Variants in RBM48 observed in about 807,000 individuals in gnomAD.
The protein encoded by RBM48 is RNA-binding protein 48.
In RBM48, 32 loss-of-function variants were observed where a neutral mutation model predicts 34.8. That is an observed-to-expected ratio of 0.92 (90% CI 0.69 to 1.23). The LOEUF (loss-of-function observed/expected upper bound fraction) is 1.23. Ranked by LOEUF, RBM48 falls within the 50% of genes most tolerant of loss-of-function variation. The pLI, the probability that RBM48 is intolerant of heterozygous loss-of-function variation, is 0.00. For synonymous variants in RBM48, 151 were observed against 156.2 expected (o/e 0.97, Z 0.25); for missense variants, 441 against 447.2 (o/e 0.99, Z 0.12).
rs770455134 is a variant in RBM48, at chr7:92,528,825, C to G, written c.12C>G (p.Ser4Arg). MAS[S>R]GGELGSLFDH... ...TCAAAGTAGGCAAGATGGCGTCGAG[C>G]GGCGGGGAGCTAGGGAGTTTATTTG... Residue 4 changes from serine to arginine, a missense_variant, in exon 1 of 5, where the codon AGC (serine) becomes AGG (arginine). Transcript: ENST00000265732. The G allele has an allele frequency of 6.2e-7, 1 of 1,613,816 alleles. No individual in the cohort carries two copies. Among genetic ancestry groups the G allele is most frequent in the African/African-American group, 1.3e-5 (1 of 75,038 alleles).
At chr7:92,529,161 G>A (rs41278797) in intron 1 of RBM48, 8,116 of 589,928 alleles carry the variant, frequency 0.014, 70 homozygotes, top group Middle Eastern at 0.025. Flanking sequence ...GATCTTCTGT[G>A]TTTACAGTAC....
chr7:92,536,981 A>AT lies in RBM48; in HGVS notation c.*47dup, dbSNP rs1793732396. ...GTATTTTCTAAAAAGAACATTTATTATTTATTTTTAGCCTGTCATTTTAAT... is the reference window on the plus strand; with the variant it reads ...GTATTTTCTAAAAAGAACATTTATTATTTTATTTTTAGCCTGTCATTTTAAT... On this transcript the variant is annotated 3_prime_UTR_variant, in exon 5 of 5. Transcript: ENST00000265732. 7.3e-7 allele frequency: 1 copy of AT among 1,361,572 alleles called. No homozygotes were observed. Among genetic ancestry groups the AT allele is most frequent in the Admixed American group, 2.5e-5 (1 of 40,000 alleles). 84.3% of individuals were successfully genotyped at this position (1,361,572 alleles called of 1,614,324 possible).
rs771064553 is a variant in RBM48 at position 92,536,836 on chromosome 7, T to A, written c.1018-15T>A. 32 of 1,569,738 alleles carry A rather than the reference T, an allele frequency of 2.0e-5. No homozygotes were observed. The highest frequency in any genetic ancestry group is 2.8e-5 in the African/African-American group (2 of 71,980). On this transcript the variant is annotated splice_polypyrimidine_tract_variant and intron_variant, in intron 4 of 4. Transcript: ENST00000265732. ...AGAAACTAAGTTTTAATGGTTCTTT[T>A]TTTTTTTTAATTAGGTAATTTCATC...
intron 2 of RBM48, among the ~76,000 whole-genome samples, chr7:92,531,440 G>T (rs1793574017): frequency 6.6e-6 from 1 of 152,100 alleles, no homozygotes; most frequent in African/African-American, 2.4e-5. Context: ...TCACTAATCT[G>T]CTCTGAGACC....
intron 4 of RBM48, chr7:92,535,885 A>G (rs1393935325): frequency 1.1e-6 from 1 of 907,976 alleles, no homozygotes; most frequent in Admixed American, 6.2e-5. Context: ...CAATAACTTC[A>G]GCACTTTGGG....
Position 92,534,527 on chromosome 7 carries a change from A to G in RBM48, c.574A>G (p.Asn192Asp). 2 of 1,614,108 alleles carry G rather than the reference A, an allele frequency of 1.2e-6. No individual in the cohort carries two copies. The highest frequency in any genetic ancestry group is 1.7e-6 in the Non-Finnish European group (2 of 1,180,020). ...AALNTSAGNS[N>D]PYLPYSCELP... ...TTTGAACACTTCTGCAGGGAACTCAAATCCTTATCTTCCGTATTCCTGTGA... is the reference window on the plus strand; with the variant it reads ...TTTGAACACTTCTGCAGGGAACTCAGATCCTTATCTTCCGTATTCCTGTGA... Residue 192 changes from asparagine to aspartate, a missense_variant, in exon 4 of 5, where the codon AAT becomes GAT. Coordinates refer to ENST00000265732, the MANE Select transcript of RBM48 (RefSeq NM_032120.4).
rs1793669212 is a variant in RBM48, at chr7:92,534,838, A to G, written c.885A>G (p.Gly295=). 6.2e-7 allele frequency: 1 copy of G among 1,614,216 alleles called. No individual in the cohort carries two copies. ...KRRREDDRKL[G]TFLQTNPTGN... Reference sequence around the variant, plus strand: ...GAAGAGAAGATGATCGTAAACTTGGAACTTTTCTTCAAACAAACCCAACTG... The same window carrying G: ...GAAGAGAAGATGATCGTAAACTTGGGACTTTTCTTCAAACAAACCCAACTG... Residue 295 remains glycine, a synonymous_variant, in exon 4 of 5, where the codon GGA becomes GGG. Coordinates refer to ENST00000265732, the MANE Select transcript of RBM48 (RefSeq NM_032120.4).
Position 92,539,137 on chromosome 7 carries a change from A to G in RBM48, c.*2200A>G, listed in dbSNP as rs1793798957. On this transcript the variant is annotated 3_prime_UTR_variant, in exon 5 of 5. Coordinates refer to ENST00000265732, the MANE Select transcript of RBM48 (RefSeq NM_032120.4). Reference sequence around the variant, plus strand: ...TAGCAAGGCTCTAGATAACTGGGCTACAGATGAACTCTGGAAGCAGCTGAA... The same window carrying G: ...TAGCAAGGCTCTAGATAACTGGGCTGCAGATGAACTCTGGAAGCAGCTGAA... Among the ~76,000 whole-genome samples, 1 of 152,344 alleles carries G rather than the reference A, an allele frequency of 6.6e-6. No individual in the cohort carries two copies. Among genetic ancestry groups the G allele is most frequent in the Middle Eastern group, 3.4e-3 (1 of 294 alleles).
intron 4 of RBM48, 35 bp from the exon 5 acceptor site, chr7:92,536,816 C>CT (rs1286621811): frequency 1.9e-6 from 3 of 1,542,676 alleles, no homozygotes; most frequent in East Asian, 2.3e-5. Context: ...GCTATAGAAA[C>CT]TAAGTTTTAA....
chr7:92,532,459 T>C lies in RBM48; in HGVS notation c.358T>C (p.Cys120Arg). Residue 120 changes from cysteine (C) to arginine (R), a missense_variant, in exon 3 of 5, where the codon TGC becomes CGC. Coordinates refer to ENST00000265732, the MANE Select transcript of RBM48 (RefSeq NM_032120.4). ...QSFFGGLLHV[C>R]YAPEFETVEE... is the part of the protein sequence containing the mutation. The stretch of plus-strand genomic sequence containing the variant: ...TTTCTTCGGTGGATTGCTTCATGTG[T>C]GCTATGCTCCAGAATTTGAAACAGT... The C allele has an allele frequency of 7.4e-6, 12 of 1,612,292 alleles. No individual in the cohort carries two copies. The highest frequency in any genetic ancestry group is 1.0e-5 in the Non-Finnish European group (12 of 1,178,326).
rs1169587803 is a variant in RBM48, at chr7:92,539,590, TCGGGAGGCTGAGGCA to T, written c.*2654_*2668del. Among the ~76,000 whole-genome samples the T allele has an allele frequency of 4.6e-5, 7 of 152,188 alleles. No homozygotes were observed. Among genetic ancestry groups the T allele is most frequent in the Non-Finnish European group, 7.4e-5 (5 of 68,014 alleles). ...GGCAAATGCCTATAATCCCAGCTAC[TCGGGAGGCTGAGGCA>T]TGAGAATTACTTGAACCCAGGAGGC... On this transcript the variant is annotated 3_prime_UTR_variant, in exon 5 of 5. Coordinates refer to ENST00000265732, the MANE Select transcript of RBM48 (RefSeq NM_032120.4).
chr7:92,529,184 G>A (rs1420466199), intron 1 of RBM48: 3 of 579,422 alleles, frequency 5.2e-6, no homozygotes, highest in Non-Finnish European at 9.1e-6. Context: ...CTTGGCACAG[G>A]TAAGCACTCA....
intron 4 of RBM48, chr7:92,536,154 C>T: frequency 3.0e-6 from 3 of 985,408 alleles, no homozygotes; most frequent in Non-Finnish European, 3.6e-6. Context: ...TCAGTTTGTG[C>T]TGCCACCCTT....
chr7:92,533,434 G>A (rs908852422), intron 3 of RBM48, among the ~76,000 whole-genome samples: 4 of 151,978 alleles, frequency 2.6e-5, no homozygotes, highest in Non-Finnish European at 5.9e-5. Flanking sequence ...ACAAAATAAG[G>A]GTTAAAACCC....
Position 92,539,262 on chromosome 7 carries a change from T to C in RBM48, c.*2325T>C. Among the ~76,000 whole-genome samples the C allele has an allele frequency of 6.6e-6, 1 of 152,248 alleles. No homozygotes were observed. Among genetic ancestry groups the C allele is most frequent in the Non-Finnish European group, 1.5e-5 (1 of 68,038 alleles). ...CTTTTCAGATTGGAAGCCTGCCTTT[T>C]ACACATTGCTTTTTACCACACGTTT... On this transcript the variant is annotated 3_prime_UTR_variant, in exon 5 of 5. Coordinates refer to ENST00000265732, the MANE Select transcript of RBM48 (RefSeq NM_032120.4).
intron 3 of RBM48, 38 bp downstream of exon 3, chr7:92,532,587 A>G (rs778685694): frequency 6.8e-7 from 1 of 1,475,716 alleles, no homozygotes; most frequent in South Asian, 1.2e-5. Flanking sequence ...CCTGTGTGTC[A>G]GGCACTCTGC....
Position 92,538,148 on chromosome 7 carries a change from A to T in RBM48, c.*1211A>T, listed in dbSNP as rs1188364216. 1 of 152,232 alleles carries T rather than the reference A, an allele frequency of 6.6e-6. No individual in the cohort carries two copies. The allele number at this position is 152,232 out of a possible 1,614,324, so 9.4% of individuals were successfully genotyped here. On this transcript the variant is annotated 3_prime_UTR_variant, in exon 5 of 5. Transcript: ENST00000265732. ...ACGAGCTGCAGACAAAACCCCGCAG[A>T]CACCAGGTTATAGAAAGAAGAGGCT...
rs760544662 is a variant in RBM48, at chr7:92,534,905, A to C, written c.952A>C (p.Lys318Gln). ...MIGPLLPDIS[K>Q]VDMHDDSLNT... ...TGGACCTCTGTTACCAGACATCTCT[A>C]AAGTGGATATGCACGATGACTCATT... The change falls in exon 4 of 5, where the codon AAA (lysine) becomes CAA (glutamine). Residue 318 changes from lysine (K) to glutamine (Q), a missense_variant. Transcript: ENST00000265732. 29 of 1,614,038 alleles carry C rather than the reference A, an allele frequency of 1.8e-5. No individual in the cohort carries two copies. Among genetic ancestry groups the C allele is most frequent in the Non-Finnish European group, 2.3e-5 (27 of 1,179,996 alleles).
rs1172221662 is a variant in RBM48 at position 92,528,806 on chromosome 7, T to C, written c.-8T>C. 2.4e-5 allele frequency: 38 copies of C among 1,612,180 alleles called. No homozygotes were observed. The highest frequency in any genetic ancestry group is 3.2e-5 in the Non-Finnish European group (38 of 1,178,430). On this transcript the variant is annotated 5_prime_UTR_variant, in exon 1 of 5. Coordinates refer to ENST00000265732, the MANE Select transcript of RBM48 (RefSeq NM_032120.4). ...GTTGTCCTCCCTGCGAGGATCAAAG[T>C]AGGCAAGATGGCGTCGAGCGGCGGG... is the stretch of plus-strand genomic sequence containing the variant.
Sources: allele counts gnomAD v4.1 joint callset (sites outside exome capture counted in the v4.1 genomes callset), GRCh38; gene constraint gnomAD v4.1.1; transcripts MANE v1.5; gene names NCBI Gene and HGNC (gene_info 2026-07-23, HGNC 2026-07-21).